The following GRIK2 variants were observed in gnomAD, a reference collection of about 807,000 sequenced individuals.
GRIK2 encodes the protein glutamate receptor ionotropic, kainate 2.
Under a neutral mutation model 100.3 loss-of-function variants are expected in GRIK2, and 32 were observed. That is an observed-to-expected ratio of 0.32 (90% CI 0.24 to 0.43). GRIK2 has a LOEUF of 0.43. Among genes scored for constraint, GRIK2 ranks in the 20% least tolerant of loss-of-function variants. GRIK2 has a pLI of 1.00. For missense variants in GRIK2, 843 were observed against 1,114.9 expected, an observed-to-expected ratio of 0.76 and a Z score of 3.47; for synonymous variants, 417 against 389.4, an observed-to-expected ratio of 1.07 and a Z score of -0.83.
intron 7 of GRIK2, among the ~76,000 whole-genome samples, chr6:101,793,695 C>G (rs1447124016): frequency 6.6e-6 from 1 of 152,174 alleles, no homozygotes; most frequent in East Asian, 1.9e-4. Flanking sequence ...TGCCCGTTCT[C>G]AGATCTCCAG....
intron 14 of GRIK2, among the ~76,000 whole-genome samples, chr6:101,930,579 A>AT (rs1318865358): frequency 1.3e-5 from 2 of 151,942 alleles, no homozygotes; most frequent in African/African-American, 2.4e-5. Context: ...TTTTAATTTT[A>AT]TTTTTTCCAG....
At chr6:101,993,852 A>T (rs1025402616) in intron 14 of GRIK2, 2 of 147,932 alleles carry the variant, frequency 1.4e-5, no homozygotes, top group African/African-American at 4.9e-5. Flanking sequence ...CAAATAATGT[A>T]TTTGCTCTAT....
intron 1 of GRIK2, among the ~76,000 whole-genome samples, chr6:101,395,469 C>A (rs1332652420): frequency 6.6e-6 from 1 of 152,130 alleles, no homozygotes; most frequent in East Asian, 1.9e-4. Context: ...CTGTTTCCAG[C>A]AAAAGGTATA....
chr6:101,832,456 C>G (rs1401451747), intron 10 of GRIK2, among the ~76,000 whole-genome samples: 1 of 152,134 alleles, frequency 6.6e-6, no homozygotes, highest in African/African-American at 2.4e-5. Flanking sequence ...TCATTTCCAA[C>G]CAATAATCAC....
chr6:101,925,740 A>G (rs1789846979), intron 13 of GRIK2, among the ~76,000 whole-genome samples: 1 of 151,964 alleles, frequency 6.6e-6, no homozygotes, highest in African/African-American at 2.4e-5. Context: ...ATCCACTTTG[A>G]AGAAATTCAT....
chr6:101,928,394 C>T lies in GRIK2; in HGVS notation c.1868-21C>T. On this transcript the variant is annotated intron_variant, in intron 13 of 16. Coordinates refer to ENST00000369134, the MANE Select transcript of GRIK2 (RefSeq NM_021956.5). ...ATCAAATTCTCTATATTCGTTTCAC[C>T]TTTCCCCCACTCTCTGTTAGGTTCT... 2 of 1,259,578 alleles carry T rather than the reference C, an allele frequency of 1.6e-6. 1 individual carries two copies. The highest frequency in any genetic ancestry group is 2.4e-5 in the South Asian group (2 of 84,050). 78.0% of individuals were successfully genotyped at this position (1,259,578 alleles called of 1,614,324 possible).
intron 7 of GRIK2, among the ~76,000 whole-genome samples, chr6:101,778,983 A>G (rs930094997): frequency 3.9e-5 from 6 of 152,048 alleles, no homozygotes; most frequent in African/African-American, 1.4e-4. Flanking sequence ...CATAGAATCT[A>G]TTATTTCTGT....
chr6:101,482,572 A>G (rs936030421), intron 2 of GRIK2, among the ~76,000 whole-genome samples: 2 of 152,226 alleles, frequency 1.3e-5, no homozygotes, highest in Non-Finnish European at 2.9e-5. Context: ...TTATCAGAGC[A>G]AATCTAGTGG....
rs9885658 is a variant in GRIK2 at position 101,898,977 on chromosome 6, C to T, written c.1748+9114C>T. On this transcript the variant is annotated intron_variant, in intron 12 of 16. Coordinates refer to ENST00000369134, the MANE Select transcript of GRIK2 (RefSeq NM_021956.5). ...CTTCATTCATTAGAGCATCTCACAA[C>T]ACCTTAATTGCTATAATTTTTTACA... is the stretch of plus-strand genomic sequence containing the variant. 4.0e-3 allele frequency among the ~76,000 whole-genome samples: 612 copies of T among 151,966 alleles called. 2 individuals carry two copies. The highest frequency in any genetic ancestry group is 0.013 in the African/African-American group (545 of 41,538).
chr6:101,840,562 A>G (rs1783425836), intron 10 of GRIK2, among the ~76,000 whole-genome samples: 1 of 152,216 alleles, frequency 6.6e-6, no homozygotes, highest in African/African-American at 2.4e-5. Context: ...TGCTGGCATC[A>G]CTGGAATCAG....
chr6:101,548,477 C>CGGA, intron 2 of GRIK2, among the ~76,000 whole-genome samples: 1 of 152,020 alleles, frequency 6.6e-6, no homozygotes, highest in South Asian at 2.1e-4. Context: ...GTCTTTAATC[C>CGGA]ATCTTGAATT....
intron 14 of GRIK2, among the ~76,000 whole-genome samples, chr6:101,957,738 C>T (rs1023727714): frequency 5.3e-5 from 8 of 151,992 alleles, no homozygotes; most frequent in Non-Finnish European, 1.2e-4. Flanking sequence ...TTTCATTCCT[C>T]TATGTATGGC....
chr6:101,988,128 TGTGTGCGCGCGC>T (rs1476457351), intron 14 of GRIK2, among the ~76,000 whole-genome samples: 474 of 20,126 alleles, frequency 0.024, 5 homozygotes, highest in South Asian at 0.054. Context: ...TGTGTGTGTG[TGTGTGCGCGCGC>T]GCGCGCGCGC....
intron 2 of GRIK2, among the ~76,000 whole-genome samples, chr6:101,451,141 T>C (rs760433897): frequency 6.6e-5 from 10 of 151,756 alleles, no homozygotes; most frequent in Non-Finnish European, 1.0e-4. Flanking sequence ...CTCAAACTCC[T>C]TATCCTGCGG....
intron 7 of GRIK2, among the ~76,000 whole-genome samples, chr6:101,767,912 C>T (rs981154447): frequency 6.6e-5 from 10 of 152,118 alleles, no homozygotes; most frequent in African/African-American, 1.9e-4. Flanking sequence ...GGCCGGAGTG[C>T]AGTGGTGCAA....
chr6:102,043,501 A>G (rs535371278), intron 15 of GRIK2, among the ~76,000 whole-genome samples: 1 of 151,994 alleles, frequency 6.6e-6, no homozygotes, highest in South Asian at 2.1e-4. Flanking sequence ...CAGTGAGAAT[A>G]TGTGATATCC....
intron 9 of GRIK2, among the ~76,000 whole-genome samples, chr6:101,802,747 T>C (rs1399037524): frequency 6.6e-6 from 1 of 151,884 alleles, no homozygotes; most frequent in Non-Finnish European, 1.5e-5. Context: ...TGGTTTAATA[T>C]GGGTCTTTAT....
At chr6:101,544,035 A>G (rs1279091928) in intron 2 of GRIK2, among the ~76,000 whole-genome samples, 1 of 152,116 alleles carries the variant, frequency 6.6e-6, no homozygotes, top group African/African-American at 2.4e-5. Context: ...GGCTGTAATT[A>G]CTTAAAATAA....
At chr6:101,803,337 C>T (rs1378819308) in intron 9 of GRIK2, among the ~76,000 whole-genome samples, 1 of 151,750 alleles carries the variant, frequency 6.6e-6, no homozygotes, top group Non-Finnish European at 1.5e-5. Context: ...CTGATTCAAA[C>T]CATCCAGGAC....
Sources: allele counts gnomAD v4.1 joint callset (sites outside exome capture counted in the v4.1 genomes callset), GRCh38; gene constraint gnomAD v4.1.1; transcripts MANE v1.5; gene names NCBI Gene and HGNC (gene_info 2026-07-23, HGNC 2026-07-21).